The following CTNND2 variants were observed in gnomAD, a reference collection of about 807,000 sequenced individuals.
CTNND2 encodes the protein catenin delta-2.
In CTNND2, 22 loss-of-function variants were observed where a neutral mutation model predicts 144.4. The ratio of observed to expected loss-of-function variants is 0.15; its 90% CI spans 0.11 to 0.22. CTNND2 has a LOEUF of 0.22. CTNND2 is among the 10% of genes least tolerant of loss of function. The probability of loss-of-function intolerance (pLI) is 1.00; values close to 1 mark genes in which losing one functional copy is unlikely to be tolerated. For missense variants in CTNND2, 1,353 were observed against 1,618.8 expected, an observed-to-expected ratio of 0.84 and a Z score of 2.82; for synonymous variants, 751 against 695.6, an observed-to-expected ratio of 1.08 and a Z score of -1.25.
chr5:11,486,819 A>T (rs2149986008), intron 3 of CTNND2, among the ~76,000 whole-genome samples: 1 of 152,332 alleles, frequency 6.6e-6, no homozygotes, highest in East Asian at 1.9e-4. Context: ...TGTATATGAA[A>T]TAATTTAAAA....
intron 1 of CTNND2, among the ~76,000 whole-genome samples, chr5:11,770,077 C>G (rs905207481): frequency 6.6e-6 from 1 of 152,058 alleles, no homozygotes; most frequent in Non-Finnish European, 1.5e-5. Flanking sequence ...AGAAGTATTA[C>G]CACCATGGGC....
At chr5:11,057,891 CTT>C (rs1746506394) in intron 16 of CTNND2, among the ~76,000 whole-genome samples, 1 of 152,074 alleles carries the variant, frequency 6.6e-6, no homozygotes, top group Non-Finnish European at 1.5e-5. Context: ...AAAGGTAACT[CTT>C]GTTATATTTT....
rs558102760 is a variant in CTNND2, at chr5:11,781,119, T to C, written c.38-48847A>G. Among the ~76,000 whole-genome samples the C allele has an allele frequency of 9.2e-5, 14 of 152,238 alleles. 1 individual carries two copies. The highest frequency in any genetic ancestry group is 3.4e-4 in the African/African-American group (14 of 41,538). On this transcript the variant is annotated intron_variant, in intron 1 of 21. Transcript: ENST00000304623. Reference sequence around the variant, plus strand: ...AGGCATGGAAGAGAAGAACTATCATTAACACACACCTGTTGCTGCCAGTCA... The same window carrying C: ...AGGCATGGAAGAGAAGAACTATCATCAACACACACCTGTTGCTGCCAGTCA...
At position 11,374,775 on chromosome 5, in the gene CTNND2, C is replaced by CTTT. The variant is rs56327510; in HGVS notation, c.1177+9887_1178-9886dup. Among the ~76,000 whole-genome samples, 553 of 99,368 alleles carry CTTT rather than the reference C, an allele frequency of 5.6e-3. 25 individuals are homozygous for CTTT. Among genetic ancestry groups the CTTT allele is most frequent in the East Asian group, 0.043 (106 of 2,466 alleles). The allele number at this position is 99,368 out of a possible 152,430, so 65.2% of individuals were successfully genotyped here. On this transcript the variant is annotated intron_variant, in intron 7 of 21. Transcript: ENST00000304623. ...TCCAGAACAAGGTGCTCCCAATCTA[C>CTTT]TTTTTTTTTTTTTTTTTTTTTTTTT...
At chr5:11,082,038 C>A (rs1236331477) in intron 16 of CTNND2, among the ~76,000 whole-genome samples, 1 of 152,188 alleles carries the variant, frequency 6.6e-6, no homozygotes, top group East Asian at 1.9e-4. Flanking sequence ...CTTTACTCAG[C>A]TCCATTTTGT....
At chr5:11,544,197 C>A (rs548661703) in intron 3 of CTNND2, among the ~76,000 whole-genome samples, 1 of 149,746 alleles carries the variant, frequency 6.7e-6, no homozygotes, top group East Asian at 2.0e-4. Context: ...TTTTTTGAGA[C>A]GGAGTCTCCC....
intron 3 of CTNND2, among the ~76,000 whole-genome samples, chr5:11,558,450 T>G (rs1776419954): frequency 6.6e-6 from 1 of 150,890 alleles, no homozygotes; most frequent in African/African-American, 2.4e-5. Context: ...ACAGCAGCCT[T>G]GACCTCTCCG....
chr5:11,575,403 T>TAAA (rs1360234477), intron 2 of CTNND2, among the ~76,000 whole-genome samples: 2 of 152,220 alleles, frequency 1.3e-5, no homozygotes, highest in African/African-American at 4.8e-5. Context: ...ATCACTTTTA[T>TAAA]AGCACTTCCA....
At chr5:11,778,670 A>G (rs1402709598) in intron 1 of CTNND2, among the ~76,000 whole-genome samples, 1 of 152,216 alleles carries the variant, frequency 6.6e-6, no homozygotes, top group Admixed American at 6.5e-5. Flanking sequence ...GAAGGATCCT[A>G]GAGAGACCTA....
chr5:11,711,213 G>A (rs1011794903), intron 2 of CTNND2, among the ~76,000 whole-genome samples: 1 of 151,994 alleles, frequency 6.6e-6, no homozygotes, highest in Non-Finnish European at 1.5e-5. Context: ...GTGCCACCAC[G>A]CCAGGCTAAT....
At position 11,303,185 on chromosome 5, in the gene CTNND2, T is replaced by C. The variant is rs115704103; in HGVS notation, c.1628+43187A>G. On this transcript the variant is annotated intron_variant, in intron 9 of 21. Transcript: ENST00000304623. ...CTGGCATTTGGCAGCTTCTCGAAAA[T>C]ACAGCTAAACTGAATTCTAGCTTGG... Among the ~76,000 whole-genome samples, 1,017 of 152,310 alleles carry C rather than the reference T, an allele frequency of 6.7e-3. 9 individuals carry two copies. The highest frequency in any genetic ancestry group is 0.024 in the African/African-American group (977 of 41,568).
intron 18 of CTNND2, among the ~76,000 whole-genome samples, chr5:11,010,103 C>A (rs1740920136): frequency 1.3e-5 from 2 of 152,238 alleles, no homozygotes; most frequent in Admixed American, 6.5e-5. Context: ...CTTGTGGACA[C>A]TAGCCTTGGG....
intron 9 of CTNND2, among the ~76,000 whole-genome samples, chr5:11,240,816 TAC>T (rs1174131102): frequency 1.5e-5 from 1 of 68,590 alleles, no homozygotes; most frequent in Non-Finnish European, 2.8e-5. Context: ...AACACACACA[TAC>T]ACTCAGCACA....
intron 9 of CTNND2, among the ~76,000 whole-genome samples, chr5:11,322,446 A>G (rs563224446): frequency 6.6e-6 from 1 of 152,372 alleles, no homozygotes; most frequent in South Asian, 2.1e-4. Context: ...ATAAGCATTT[A>G]TGAATTGCCT....
intron 9 of CTNND2, among the ~76,000 whole-genome samples, chr5:11,318,728 G>A (rs1465426608): frequency 1.3e-5 from 2 of 151,808 alleles, no homozygotes; most frequent in East Asian, 3.9e-4. Context: ...TCCTTACAAC[G>A]ATGCCCTCTT....
chr5:11,484,402 T>C (rs762774247), intron 3 of CTNND2, among the ~76,000 whole-genome samples: 2 of 152,180 alleles, frequency 1.3e-5, no homozygotes, highest in Non-Finnish European at 2.9e-5. Flanking sequence ...TCACACAGGA[T>C]CTAAACACAG....
chr5:11,595,322 C>T (rs549225463), intron 2 of CTNND2, among the ~76,000 whole-genome samples: 1 of 152,150 alleles, frequency 6.6e-6, no homozygotes, highest in African/African-American at 2.4e-5. Context: ...ACTCTTGAAA[C>T]CAAGTGTCAG....
intron 15 of CTNND2, among the ~76,000 whole-genome samples, chr5:11,090,878 C>T (rs80067118): frequency 0.025 from 3,834 of 151,878 alleles, 82 homozygotes; most frequent in Middle Eastern, 0.055. Flanking sequence ...AAGAAATCTG[C>T]GGTCTTCCTT....
intron 3 of CTNND2, among the ~76,000 whole-genome samples, chr5:11,455,359 C>A (rs771278578): frequency 2.0e-5 from 3 of 152,144 alleles, no homozygotes; most frequent in Non-Finnish European, 4.4e-5. Flanking sequence ...TGGGCCCCAA[C>A]TTAATGTTTT....
Sources: allele counts gnomAD v4.1 joint callset (sites outside exome capture counted in the v4.1 genomes callset), GRCh38; gene constraint gnomAD v4.1.1; transcripts MANE v1.5; gene names NCBI Gene and HGNC (gene_info 2026-07-23, HGNC 2026-07-21).